Variants in SCFD2 observed in about 807,000 individuals in gnomAD.
SCFD2 encodes sec1 family domain containing 2, also known as sec1 family domain-containing protein 2.
A neutral mutation model predicts 58.9 loss-of-function variants in SCFD2; 54 were observed. The ratio of observed to expected loss-of-function variants is 0.92; its 90% CI spans 0.74 to 1.15. The LOEUF (loss-of-function observed/expected upper bound fraction) is 1.15, where lower values mean the gene tolerates loss of function less well. Ranked by LOEUF, SCFD2 falls within the 50% of genes most tolerant of loss-of-function variation. The pLI is 0.00. For missense variants in SCFD2, 805 were observed against 836.6 expected, an observed-to-expected ratio of 0.96 and a Z score of 0.47; for synonymous variants, 321 against 335.9, an observed-to-expected ratio of 0.96 and a Z score of 0.49.
rs1727134615 is a variant in SCFD2, at chr4:53,170,065, C to A, written c.1312-24483G>T. Among the ~76,000 whole-genome samples the A allele has an allele frequency of 6.6e-5, 10 of 151,970 alleles. No homozygotes were observed. In the South Asian group the frequency reaches 2.1e-3, roughly 32 times the overall value. ...GTAATCCTATTTATCTATTTTGTTGCTGGAGTTTTTGGGGTCAAATACAGA... is the reference window on the plus strand; with the variant it reads ...GTAATCCTATTTATCTATTTTGTTGATGGAGTTTTTGGGGTCAAATACAGA... On this transcript the variant is annotated intron_variant, in intron 4 of 8. Transcript: ENST00000401642.
chr4:53,249,103 G>T (rs1730243398), intron 4 of SCFD2, among the ~76,000 whole-genome samples: 2 of 152,312 alleles, frequency 1.3e-5, no homozygotes, highest in Non-Finnish European at 2.9e-5. Context: ...ATACAGAGAA[G>T]TGCTTAAAGG....
At chr4:53,253,381 A>T (rs926516570) in intron 4 of SCFD2, among the ~76,000 whole-genome samples, 9 of 152,122 alleles carry the variant, frequency 5.9e-5, no homozygotes, top group Admixed American at 2.6e-4. Context: ...CAGCCATCCC[A>T]TTACTGGGTA....
chr4:53,173,200 C>T (rs1322551517), intron 4 of SCFD2, among the ~76,000 whole-genome samples: 1 of 152,148 alleles, frequency 6.6e-6, no homozygotes, highest in East Asian at 1.9e-4. Context: ...CTGATAAATC[C>T]ATCATAAGTT....
intron 1 of SCFD2, among the ~76,000 whole-genome samples, chr4:53,361,375 G>A (rs1428429654): frequency 6.6e-6 from 1 of 152,134 alleles, no homozygotes; most frequent in Admixed American, 6.5e-5. Context: ...ATCAAATAAG[G>A]TAATGTAAAA....
At chr4:52,906,350 T>C (rs1344425297) in intron 7 of SCFD2, among the ~76,000 whole-genome samples, 3 of 152,156 alleles carry the variant, frequency 2.0e-5, no homozygotes, top group South Asian at 2.1e-4. Context: ...AAAAGAATGC[T>C]CAAGTGGAAA....
chr4:53,298,206 G>A (rs978103505), intron 3 of SCFD2, among the ~76,000 whole-genome samples: 14 of 152,154 alleles, frequency 9.2e-5, no homozygotes, highest in African/African-American at 3.1e-4. Flanking sequence ...TCAAAGAAAG[G>A]GGTGACAGAC....
At chr4:53,248,532 C>T (rs62326408) in intron 4 of SCFD2, among the ~76,000 whole-genome samples, 14,555 of 152,244 alleles carry the variant, frequency 0.096, 1,036 homozygotes, top group African/African-American at 0.19. Context: ...TGTCTGACAG[C>T]TTTGAAGAGA....
chr4:53,024,105 A>G (rs1403539445), intron 5 of SCFD2, among the ~76,000 whole-genome samples: 6 of 152,162 alleles, frequency 3.9e-5, no homozygotes, highest in Non-Finnish European at 1.5e-5. Context: ...GCTGGTTTCA[A>G]GAAGTCTGCT....
chr4:53,237,765 G>C (rs1234265080), intron 4 of SCFD2, among the ~76,000 whole-genome samples: 1 of 94,132 alleles, frequency 1.1e-5, no homozygotes. Flanking sequence ...CTGGCCGGGC[G>C]GGGGGCTGAC....
chr4:53,185,847 A>G (rs1727721835), intron 4 of SCFD2, among the ~76,000 whole-genome samples: 1 of 152,124 alleles, frequency 6.6e-6, no homozygotes, highest in African/African-American at 2.4e-5. Context: ...CTCCAAGTTA[A>G]TTAAATTTAT....
In SCFD2 at chr4:53,145,471, GA is replaced by G; in HGVS notation, c.1422del (p.Leu475SerfsTer13). 6.2e-7 allele frequency: 1 copy of G among 1,614,120 alleles called. No individual in the cohort carries two copies. The highest frequency in any genetic ancestry group is 8.5e-7 in the Non-Finnish European group (1 of 1,180,022). On this transcript the variant is annotated frameshift_variant, in exon 5 of 9. Transcript: ENST00000401642. LOFTEE classifies it high-confidence loss of function. The part of the protein sequence containing the change: ...EDYSPEELLI[L>X]LIYIYSVTGE... ...CCAGTGACAGAATAAATATATATGA[GA>G]AGGATCAGCAGTTCCTCAGGGCTGT...
intron 4 of SCFD2, among the ~76,000 whole-genome samples, chr4:53,250,723 T>C (rs1184533235): frequency 6.6e-6 from 1 of 152,176 alleles, no homozygotes; most frequent in Admixed American, 6.5e-5. Context: ...CATATCAGAA[T>C]CTCTGGGACA....
At chr4:53,058,977 C>T (rs145539721) in intron 5 of SCFD2, among the ~76,000 whole-genome samples, 49 of 152,218 alleles carry the variant, frequency 3.2e-4, no homozygotes, top group East Asian at 2.9e-3. Flanking sequence ...GCATGCCACT[C>T]AGTGCCACAG....
chr4:53,023,758 A>G (rs937614778), intron 5 of SCFD2, among the ~76,000 whole-genome samples: 12 of 152,122 alleles, frequency 7.9e-5, no homozygotes, highest in Non-Finnish European at 1.8e-4. Context: ...TTTTGGAATG[A>G]GGCATAGTAT....
At chr4:53,144,607 T>C (rs968158146) in intron 5 of SCFD2, among the ~76,000 whole-genome samples, 1 of 150,174 alleles carries the variant, frequency 6.7e-6, no homozygotes, top group African/African-American at 2.4e-5. Context: ...CCTATAATAT[T>C]GTGTAACATC....
intron 5 of SCFD2, among the ~76,000 whole-genome samples, chr4:53,040,654 T>G (rs975613759): frequency 6.6e-6 from 1 of 152,158 alleles, no homozygotes; most frequent in Non-Finnish European, 1.5e-5. Context: ...TCTCTGTTCT[T>G]TGGGTTTCCT....
chr4:53,172,335 A>G (rs1379715452), intron 4 of SCFD2, among the ~76,000 whole-genome samples: 1 of 152,050 alleles, frequency 6.6e-6, no homozygotes, highest in African/African-American at 2.4e-5. Flanking sequence ...TTTAGTCTCT[A>G]TTCCATTTAT....
At chr4:52,919,695 G>A (rs915641863) in intron 6 of SCFD2, among the ~76,000 whole-genome samples, 8 of 152,208 alleles carry the variant, frequency 5.3e-5, no homozygotes, top group Non-Finnish European at 7.3e-5. Context: ...GAATAATAAT[G>A]CCTCCCTGGC....
chr4:53,256,517 G>T (rs1236405678), intron 4 of SCFD2, among the ~76,000 whole-genome samples: 1 of 152,144 alleles, frequency 6.6e-6, no homozygotes, highest in Non-Finnish European at 1.5e-5. Context: ...ACTTTGGGAG[G>T]CCAAGGCAGG....
Sources: gnomAD v4.1 joint callset for allele counts (sites outside exome capture counted in the v4.1 genomes callset) on GRCh38, gnomAD v4.1.1 for gene constraint, MANE v1.5 for transcripts, NCBI Gene and HGNC (gene_info 2026-07-23, HGNC 2026-07-21) for gene names.